Variants in DLC1 observed in about 807,000 individuals in gnomAD.
DLC1 encodes rho GTPase-activating protein 7.
Under a neutral mutation model 140.3 loss-of-function variants are expected in DLC1, and 54 were observed. That is an observed-to-expected ratio of 0.38 (90% CI 0.31 to 0.48). DLC1 has a LOEUF of 0.48. Ranked by LOEUF, DLC1 falls within the 20% of genes least tolerant of loss-of-function variation. The pLI, the probability that DLC1 is intolerant of heterozygous loss-of-function variation, is 0.96. For synonymous variants in DLC1, 986 were observed against 728.1 expected (o/e 1.35, Z -5.70); for missense variants, 2,536 against 1,907.0 (o/e 1.33, Z -6.14).
At chr8:13,566,770 G>A (rs896470367) in intron 1 of DLC1, 1 of 582,472 alleles carries the variant, frequency 1.7e-6, no homozygotes, top group Non-Finnish European at 2.8e-6. Context: ...CGCAGTGGGC[G>A]CTGGGGAGCG....
chr8:13,305,644 C>A (rs560621977), intron 4 of DLC1, among the ~76,000 whole-genome samples: 1 of 152,228 alleles, frequency 6.6e-6, no homozygotes, highest in Non-Finnish European at 1.5e-5. Context: ...TGAGACCAGC[C>A]AGGACAACAT....
chr8:13,593,710 A>T (rs1805594604), intron 1 of DLC1, among the ~76,000 whole-genome samples: 1 of 152,112 alleles, frequency 6.6e-6, no homozygotes, highest in African/African-American at 2.4e-5. Context: ...AAACAACCTT[A>T]TTTGAAAACT....
At chr8:13,382,942 G>A (rs544692101) in intron 4 of DLC1, among the ~76,000 whole-genome samples, 1 of 152,290 alleles carries the variant, frequency 6.6e-6, no homozygotes, top group East Asian at 1.9e-4. Context: ...AATGGAGTGA[G>A]CCCTAATAAG....
At chr8:13,594,139 C>G (rs984215209) in intron 1 of DLC1, among the ~76,000 whole-genome samples, 3 of 151,948 alleles carry the variant, frequency 2.0e-5, no homozygotes, top group African/African-American at 7.3e-5. Context: ...CCAGCCTGGG[C>G]AACAGAGCGA....
chr8:13,101,928 G>A (rs545086131), intron 8 of DLC1, among the ~76,000 whole-genome samples: 1 of 152,300 alleles, frequency 6.6e-6, no homozygotes, highest in South Asian at 2.1e-4. Context: ...TTCCACTGGT[G>A]TGGAAAATAT....
At chr8:13,463,371 A>T (rs866805755) in intron 2 of DLC1, among the ~76,000 whole-genome samples, 1 of 152,152 alleles carries the variant, frequency 6.6e-6, no homozygotes, top group Admixed American at 6.5e-5. Context: ...ATTGAAAGAG[A>T]ATATTTTAAA....
intron 5 of DLC1, among the ~76,000 whole-genome samples, chr8:13,144,336 A>G (rs1304458523): frequency 6.6e-6 from 1 of 152,156 alleles, no homozygotes; most frequent in Admixed American, 6.5e-5. Context: ...GAGAGTTACC[A>G]CTGTCAGATT....
chr8:13,440,694 G>C (rs1798467119), intron 2 of DLC1, among the ~76,000 whole-genome samples: 1 of 152,030 alleles, frequency 6.6e-6, no homozygotes. Flanking sequence ...GGGATCTAGG[G>C]GGAGGTAATT....
chr8:13,318,197 A>T (rs551614835), intron 4 of DLC1, among the ~76,000 whole-genome samples: 69 of 136,256 alleles, frequency 5.1e-4, no homozygotes, highest in Middle Eastern at 3.9e-3. Flanking sequence ...GCTAATTAAA[A>T]TTTTTTTTTT....
intron 5 of DLC1, among the ~76,000 whole-genome samples, chr8:13,240,924 T>G (rs144957919): frequency 2.0e-4 from 31 of 152,322 alleles, no homozygotes; most frequent in Non-Finnish European, 3.7e-4. Flanking sequence ...TTGGACACTA[T>G]TTGGCTCTCT....
At chr8:13,527,412 T>C (rs991336971) in intron 1 of DLC1, among the ~76,000 whole-genome samples, 18 of 152,212 alleles carry the variant, frequency 1.2e-4, no homozygotes, top group Non-Finnish European at 1.5e-4. Context: ...AATTTTTGAA[T>C]GTTAGACAAA....
intron 4 of DLC1, among the ~76,000 whole-genome samples, chr8:13,305,692 C>G (rs571636808): frequency 7.9e-5 from 12 of 152,220 alleles, no homozygotes; most frequent in African/African-American, 2.9e-4. Flanking sequence ...CAAAAATTGG[C>G]TGGGCATGGT....
intron 5 of DLC1, among the ~76,000 whole-genome samples, chr8:13,121,617 C>G (rs1327667597): frequency 6.6e-6 from 1 of 152,132 alleles, no homozygotes; most frequent in East Asian, 1.9e-4. Context: ...GGCATGATCA[C>G]AGCTCTCTGT....
rs1804061539 is a variant in DLC1, at chr8:13,556,782, G to C, written c.-126+47755C>G. Among the ~76,000 whole-genome samples the C allele has an allele frequency of 2.0e-5, 3 of 152,330 alleles. 1 individual carries two copies. The Middle Eastern group carries it at 0.01, about 518-fold the overall frequency. On this transcript the variant is annotated intron_variant, in intron 1 of 1. Transcript: ENST00000631382. ...GGAAAAACATATGCTTATTTCTAAAGTGGATGCTGTCAGAGACGCTGCTGA... is the reference window on the plus strand; with the variant it reads ...GGAAAAACATATGCTTATTTCTAAACTGGATGCTGTCAGAGACGCTGCTGA...
chr8:13,245,535 C>T (rs763857790), intron 5 of DLC1, among the ~76,000 whole-genome samples: 1 of 152,176 alleles, frequency 6.6e-6, no homozygotes, highest in Admixed American at 6.5e-5. Context: ...CTCATTCTTC[C>T]TTGTGCCTCC....
intron 4 of DLC1, among the ~76,000 whole-genome samples, chr8:13,375,094 C>T (rs1345151987): frequency 6.8e-6 from 1 of 146,078 alleles, no homozygotes; most frequent in African/African-American, 2.6e-5. Flanking sequence ...GTGGCACAAT[C>T]TTGGCTCACT....
At position 13,384,070 on chromosome 8, in the gene DLC1, A is replaced by G. The variant is rs193007290; in HGVS notation, c.1314+9483T>C. Among the ~76,000 whole-genome samples the G allele has an allele frequency of 2.0e-3, 307 of 152,314 alleles. 2 individuals are homozygous for G. The highest frequency in any genetic ancestry group is 7.2e-3 in the African/African-American group (300 of 41,570). On this transcript the variant is annotated intron_variant, in intron 4 of 17. Coordinates refer to ENST00000276297, the MANE Select transcript of DLC1 (RefSeq NM_182643.3). ...AATTCAGGAGTGGTTTGTTCAGGCA[A>G]GGTCTTTCATGAGGTTGCGTTATTG...
At chr8:13,188,683 C>T (rs1286761647) in intron 5 of DLC1, among the ~76,000 whole-genome samples, 2 of 142,320 alleles carry the variant, frequency 1.4e-5, no homozygotes, top group Non-Finnish European at 3.0e-5. Flanking sequence ...TGGCTCACTG[C>T]AACTTCGTCC....
intron 1 of DLC1, among the ~76,000 whole-genome samples, chr8:13,525,025 C>G (rs189503786): frequency 6.6e-6 from 1 of 152,126 alleles, no homozygotes; most frequent in Non-Finnish European, 1.5e-5. Flanking sequence ...CCCAAGGCAA[C>G]GACTGATCTG....
Sources: gnomAD v4.1 joint callset for allele counts (sites outside exome capture counted in the v4.1 genomes callset) on GRCh38, gnomAD v4.1.1 for gene constraint, MANE v1.5 for transcripts, NCBI Gene and HGNC (gene_info 2026-07-23, HGNC 2026-07-21) for gene names.